Variants in POFUT3 observed in about 807,000 individuals in gnomAD.
POFUT3 encodes the protein protein O-fucosyltransferase 3.
At chr8:33,353,276 A>T in the POFUT3 span, among the ~76,000 whole-genome samples, 2 of 152,206 alleles carry the variant, frequency 1.3e-5, no homozygotes, top group African/African-American at 2.4e-5. Flanking sequence ...ATCTTTTATG[A>T]GAGTAAAATT....
At chr8:33,361,909 T>A in the POFUT3 span, among the ~76,000 whole-genome samples, 27 of 151,280 alleles carry the variant, frequency 1.8e-4, no homozygotes, top group Non-Finnish European at 2.2e-4. Flanking sequence ...TTTTCAAATT[T>A]AAAAAAAAAT....
the POFUT3 span, among the ~76,000 whole-genome samples, chr8:33,346,266 A>T: frequency 2.0e-5 from 3 of 152,078 alleles, no homozygotes; most frequent in Non-Finnish European, 4.4e-5. Flanking sequence ...CTTCTAGATC[A>T]ACAGATGTCC....
At chr8:33,350,500 T>C in the POFUT3 span, among the ~76,000 whole-genome samples, 3 of 152,202 alleles carry the variant, frequency 2.0e-5, no homozygotes, top group East Asian at 5.8e-4. Context: ...TGCACAAAAA[T>C]AGTAGCAGAA....
At chr8:33,388,162 G>T in the POFUT3 span, among the ~76,000 whole-genome samples, 1 of 151,982 alleles carries the variant, frequency 6.6e-6, no homozygotes, top group African/African-American at 2.4e-5. Flanking sequence ...GCACATGTTT[G>T]CCAGAAAGAG....
chr8:33,357,512 G>A, the POFUT3 span, among the ~76,000 whole-genome samples: 1 of 140,606 alleles, frequency 7.1e-6, no homozygotes, highest in Non-Finnish European at 1.5e-5. Context: ...ATATATATAT[G>A]TATGTGTGTG....
At chr8:33,349,176 A>G in the POFUT3 span, among the ~76,000 whole-genome samples, 1 of 152,208 alleles carries the variant, frequency 6.6e-6, no homozygotes, top group Non-Finnish European at 1.5e-5. Flanking sequence ...TAGCTGTAGG[A>G]GTCAAGCCAG....
At chr8:33,389,101 C>T in the POFUT3 span, 1 of 1,614,206 alleles carries the variant, frequency 6.2e-7, no homozygotes, top group Non-Finnish European at 8.5e-7. Context: ...GGTTAGAGAT[C>T]TCACCCTTCA....
the POFUT3 span, among the ~76,000 whole-genome samples, chr8:33,317,403 CT>C: frequency 0.011 from 1,601 of 152,232 alleles, 32 homozygotes; most frequent in African/African-American, 0.036. Context: ...ACGTTCCTTT[CT>C]GCTGACCCCA....
the POFUT3 span, among the ~76,000 whole-genome samples, chr8:33,455,168 A>G: frequency 6.6e-6 from 1 of 152,168 alleles, no homozygotes; most frequent in Non-Finnish European, 1.5e-5. Context: ...AAAATTCCCT[A>G]GAGTCTATGT....
At chr8:33,309,165 AAAATATATATATATATATAT>A in the POFUT3 span, among the ~76,000 whole-genome samples, 10 of 71,102 alleles carry the variant, frequency 1.4e-4, no homozygotes, top group African/African-American at 7.7e-4. Flanking sequence ...AAAAAAAAAA[AAAATATATATATATATATAT>A]ATATATATAT....
the POFUT3 span, among the ~76,000 whole-genome samples, chr8:33,332,984 G>A: frequency 2.0e-5 from 3 of 152,158 alleles, no homozygotes; most frequent in Admixed American, 2.0e-4. Flanking sequence ...GCAACCTGAA[G>A]TTCAGGGAGA....
At chr8:33,419,644 T>C in the POFUT3 span, among the ~76,000 whole-genome samples, 1 of 152,112 alleles carries the variant, frequency 6.6e-6, no homozygotes, top group Non-Finnish European at 1.5e-5. Flanking sequence ...CATTATACAT[T>C]CTATGCATGT....
chr8:33,309,164 AAAAATAT>A, the POFUT3 span, among the ~76,000 whole-genome samples: 1 of 62,338 alleles, frequency 1.6e-5, no homozygotes, highest in African/African-American at 1.1e-4. Context: ...AAAAAAAAAA[AAAAATAT>A]ATATATATAT....
At chr8:33,400,216 C>G in the POFUT3 span, among the ~76,000 whole-genome samples, 2,732 of 149,388 alleles carry the variant, frequency 0.018, 86 homozygotes, top group African/African-American at 0.062. Context: ...CTTTGGGATA[C>G]TGAGGCAGGC....
chr8:33,343,363 T>C, the POFUT3 span, among the ~76,000 whole-genome samples: 4 of 152,156 alleles, frequency 2.6e-5, no homozygotes, highest in Non-Finnish European at 5.9e-5. Flanking sequence ...TTCTAAGGCC[T>C]TGGGATTCTA....
the POFUT3 span, among the ~76,000 whole-genome samples, chr8:33,443,426 A>T: frequency 6.6e-6 from 1 of 152,278 alleles, no homozygotes; most frequent in Non-Finnish European, 1.5e-5. Context: ...CAGGTGTTTC[A>T]TCTGTATTCA....
the POFUT3 span, among the ~76,000 whole-genome samples, chr8:33,351,770 A>T: frequency 6.6e-6 from 1 of 152,188 alleles, no homozygotes; most frequent in Non-Finnish European, 1.5e-5. Flanking sequence ...AACAGGCAAG[A>T]CAGATGAGAA....
At chr8:33,340,495 A>G in the POFUT3 span, among the ~76,000 whole-genome samples, 38 of 152,218 alleles carry the variant, frequency 2.5e-4, no homozygotes, top group Middle Eastern at 6.8e-3. Flanking sequence ...AACCCAGCAT[A>G]TAGGTTTCAA....
chr8:33,357,032 T>A, the POFUT3 span, among the ~76,000 whole-genome samples: 1 of 152,192 alleles, frequency 6.6e-6, no homozygotes, highest in Non-Finnish European at 1.5e-5. Context: ...TTGATCTATA[T>A]CTCTGTTTTG....
Sources: gnomAD v4.1 joint callset for allele counts (sites outside exome capture counted in the v4.1 genomes callset) on GRCh38, gnomAD v4.1.1 for gene constraint, MANE v1.5 for transcripts, NCBI Gene and HGNC (gene_info 2026-07-23, HGNC 2026-07-21) for gene names.